ZSCAN20: variants seen among roughly 807,000 people sequenced by gnomAD.
ZSCAN20 encodes the protein zinc finger and SCAN domain-containing protein 20.
In ZSCAN20, 39 loss-of-function variants were observed where a neutral mutation model predicts 97.1. The observed-to-expected ratio is 0.40, with a 90% CI of 0.31 to 0.52. The LOEUF is 0.52. ZSCAN20 is among the 20% of genes least tolerant of loss of function. The pLI, the probability that ZSCAN20 is intolerant of heterozygous loss-of-function variation, is 0.49. For missense variants in ZSCAN20, 1,115 were observed against 1,290.4 expected (o/e 0.86, Z 2.08); for synonymous variants, 456 against 467.3 (o/e 0.98, Z 0.31).
rs147477606 is a variant in ZSCAN20, at chr1:33,500,546, G to A, written c.*5070G>A. On this transcript the variant is annotated 3_prime_UTR_variant, in exon 8 of 8. Transcript: ENST00000684572. ...AATTTTACCTAAACATGCTATAGTC[G>A]ACTAGGGAGTCACATAGACATTGAT... Among the ~76,000 whole-genome samples, 4 of 152,130 alleles carry A rather than the reference G, an allele frequency of 2.6e-5. No homozygotes were observed. The highest frequency in any genetic ancestry group is 1.9e-4 in the East Asian group (1 of 5,174).
intron 1 of ZSCAN20, 138 bp from the exon 2 acceptor site, chr1:33,479,041 T>G (rs1652036744): frequency 2.5e-6 from 1 of 399,966 alleles, no homozygotes; most frequent in Admixed American, 4.2e-5. Flanking sequence ...ATTGTGGCCT[T>G]ACTTCCTGCC....
At chr1:33,474,949 T>G (rs1321538206) in intron 1 of ZSCAN20, among the ~76,000 whole-genome samples, 3 of 152,164 alleles carry the variant, frequency 2.0e-5, no homozygotes, top group African/African-American at 7.2e-5. Flanking sequence ...TTGGGGAACC[T>G]AGGGCAACTG....
chr1:33,476,403 C>CT (rs1651941110), intron 1 of ZSCAN20, among the ~76,000 whole-genome samples: 1 of 152,210 alleles, frequency 6.6e-6, no homozygotes, highest in South Asian at 2.1e-4. Flanking sequence ...ACCTTTGGGA[C>CT]TTTCAAGTCT....
intron 1 of ZSCAN20, among the ~76,000 whole-genome samples, chr1:33,476,470 C>T (rs1252283376): frequency 2.0e-5 from 3 of 152,212 alleles, no homozygotes; most frequent in Non-Finnish European, 4.4e-5. Context: ...GGTGTGACTG[C>T]TAATTGCCTA....
At position 33,493,403 on chromosome 1, in the gene ZSCAN20, AC is replaced by A; in HGVS notation, c.1664del (p.Pro555HisfsTer14). The A allele has an allele frequency of 6.2e-7, 1 of 1,614,204 alleles. No homozygotes were observed. Among genetic ancestry groups the A allele is most frequent in the Non-Finnish European group, 8.5e-7 (1 of 1,180,032 alleles). The part of the protein sequence containing the change: ...LRSYRKAKSS[H>X]PPGTCPFYEE... Reference sequence around the variant, plus strand: ...AGCTACCGGAAAGCCAAGAGCAGCCACCCACCAGGGACATGCCCTTTCTATG... The same window carrying A: ...AGCTACCGGAAAGCCAAGAGCAGCCACCACCAGGGACATGCCCTTTCTATG... On this transcript the variant is annotated frameshift_variant, in exon 7 of 8. Coordinates refer to ENST00000684572, the MANE Select transcript of ZSCAN20 (RefSeq NM_001377376.1). LOFTEE classifies it high-confidence loss of function. The surrounding 1 kb of genome is among the most constrained non-coding windows in gnomAD (Gnocchi z 4.3).
chr1:33,484,104 T>G (rs1243497093), intron 2 of ZSCAN20, among the ~76,000 whole-genome samples: 2 of 152,230 alleles, frequency 1.3e-5, no homozygotes, highest in Non-Finnish European at 2.9e-5. Flanking sequence ...GTTTTTTTTG[T>G]TGATTCTTTT....
Position 33,500,103 on chromosome 1 carries a change from C to T in ZSCAN20, c.*4627C>T, listed in dbSNP as rs1653014001. Among the ~76,000 whole-genome samples the T allele has an allele frequency of 6.6e-6, 1 of 152,144 alleles. No homozygotes were observed. Among genetic ancestry groups the T allele is most frequent in the Non-Finnish European group, 1.5e-5 (1 of 68,030 alleles). ...CAGCTCCTGGCTGTTTCTTCACACT[C>T]CCAGCATCACTATTACTGCTAGCAT... On this transcript the variant is annotated 3_prime_UTR_variant, in exon 8 of 8. Transcript: ENST00000684572.
chr1:33,480,450 CT>C (rs1471901302), intron 2 of ZSCAN20, among the ~76,000 whole-genome samples: 1 of 152,224 alleles, frequency 6.6e-6, no homozygotes. Flanking sequence ...GGTCATTGTT[CT>C]TTCTACTGCA....
rs185588276 is a variant in ZSCAN20, at chr1:33,497,306, G to T, written c.*1830G>T. Among the ~76,000 whole-genome samples, 1 of 152,202 alleles carries T rather than the reference G, an allele frequency of 6.6e-6. No homozygotes were observed. Among genetic ancestry groups the T allele is most frequent in the Non-Finnish European group, 1.5e-5 (1 of 68,038 alleles). On this transcript the variant is annotated 3_prime_UTR_variant, in exon 8 of 8. Transcript: ENST00000684572. ...CCCACGTTATCTCTGCGGGGCAGGG[G>T]TCATGGGATGAACCCTGGATAGAAG... is the stretch of plus-strand genomic sequence containing the variant.
chr1:33,494,111 A>G, intron 7 of ZSCAN20, 107 bp from the exon 8 acceptor site: 1 of 1,060,038 alleles, frequency 9.4e-7, no homozygotes, highest in East Asian at 2.5e-5. Flanking sequence ...TATAAGAATC[A>G]AATTCATGTT....
In ZSCAN20 at chr1:33,485,543, G is replaced by A. The variant is rs562955222; in HGVS notation, c.418-2922G>A. Among the ~76,000 whole-genome samples the A allele has an allele frequency of 7.2e-4, 110 of 151,966 alleles. 3 individuals carry two copies. Among genetic ancestry groups the A allele is most frequent in the African/African-American group, 2.5e-3 (105 of 41,404 alleles). ...TCCTGCCTCAGCCCCCTGTAGCTGG[G>A]ACTACAGGACCACACCACCATGCCC... On this transcript the variant is annotated intron_variant, in intron 2 of 7. Transcript: ENST00000684572.
Position 33,493,112 on chromosome 1 carries a change from C to A in ZSCAN20, c.1445-75C>A. 1 of 1,428,622 alleles carries A rather than the reference C, an allele frequency of 7.0e-7. No individual in the cohort carries two copies. The highest frequency in any genetic ancestry group is 9.7e-7 in the Non-Finnish European group (1 of 1,035,674). 88.5% of individuals were successfully genotyped at this position (1,428,622 alleles called of 1,614,324 possible). Reference sequence around the variant, plus strand: ...CCTATGTTCTAGGTATTTTGAAGGGCAGGTGACTTTATTCTCTGATGACCT... The same window carrying A: ...CCTATGTTCTAGGTATTTTGAAGGGAAGGTGACTTTATTCTCTGATGACCT... On this transcript the variant is annotated intron_variant, in intron 6 of 7. Transcript: ENST00000684572. The surrounding 1 kb of genome is among the most constrained non-coding windows in gnomAD (Gnocchi z 4.3).
Position 33,491,125 on chromosome 1 carries a change from T to A in ZSCAN20, c.867T>A (p.Asp289Glu), listed in dbSNP as rs1185668614. The A allele has an allele frequency of 6.2e-7, 1 of 1,613,528 alleles. No individual in the cohort carries two copies. The highest frequency in any genetic ancestry group is 1.3e-5 in the African/African-American group (1 of 74,722). The change falls in exon 6 of 8, where the codon GAT (aspartate) becomes GAA (glutamate). Residue 289 changes from aspartate to glutamate, a missense_variant. Around this residue, in one of 3 missense-constraint regions of ZSCAN20, gnomAD observed 508 missense variants for 611.2 expected, o/e 0.83. Transcript: ENST00000684572. This position sits in a 1 kb window ranked among gnomAD's most constrained non-coding sequence, Gnocchi z 4.3. Reference protein sequence around the residue: ...LINSGKRSTADYSLDNEPAQA... With the variant: ...LINSGKRSTAEYSLDNEPAQA... Reference sequence around the variant, plus strand: ...ATTCTGGGAAAAGGAGCACTGCAGATTACAGCCTGGATAATGAGCCAGCTC... The same window carrying A: ...ATTCTGGGAAAAGGAGCACTGCAGAATACAGCCTGGATAATGAGCCAGCTC...
Position 33,500,989 on chromosome 1 carries a change from G to A in ZSCAN20, c.*5513G>A, listed in dbSNP as rs568803906. 2.0e-5 allele frequency among the ~76,000 whole-genome samples: 3 copies of A among 152,230 alleles called. No individual in the cohort carries two copies. Among genetic ancestry groups the A allele is most frequent in the Admixed American group, 6.5e-5 (1 of 15,292 alleles). Reference sequence around the variant, plus strand: ...TGGCTTCAGTGCTTTGGGGGGATTCGTGGACCACAGAGAAGCTTCCGCATA... The same window carrying A: ...TGGCTTCAGTGCTTTGGGGGGATTCATGGACCACAGAGAAGCTTCCGCATA... On this transcript the variant is annotated 3_prime_UTR_variant, in exon 8 of 8. Coordinates refer to ENST00000684572, the MANE Select transcript of ZSCAN20 (RefSeq NM_001377376.1).
intron 5 of ZSCAN20, among the ~76,000 whole-genome samples, chr1:33,490,304 T>C (rs539470045): frequency 6.4e-4 from 97 of 152,358 alleles, no homozygotes; most frequent in Non-Finnish European, 1.1e-3. Context: ...ATTATCCTTA[T>C]ACCTCTTTAA....
chr1:33,482,085 T>C (rs1271663518), intron 2 of ZSCAN20, among the ~76,000 whole-genome samples: 1 of 152,192 alleles, frequency 6.6e-6, no homozygotes, highest in Non-Finnish European at 1.5e-5. Context: ...CTCTTAATGT[T>C]ATTCATTCTG....
At chr1:33,489,676 G>C in intron 5 of ZSCAN20, 74 bp downstream of exon 5, 4 of 1,381,110 alleles carry the variant, frequency 2.9e-6, no homozygotes, top group Non-Finnish European at 4.1e-6. Flanking sequence ...GGGTTTTGCC[G>C]CTCCTTTAAG....
Position 33,491,777 on chromosome 1 carries a change from G to C in ZSCAN20, c.1444+75G>C. 6.9e-7 allele frequency: 1 copy of C among 1,450,196 alleles called. No individual in the cohort carries two copies. The highest frequency in any genetic ancestry group is 9.3e-7 in the Non-Finnish European group (1 of 1,080,522). The allele number at this position is 1,450,196 out of a possible 1,614,324, so 89.8% of individuals were successfully genotyped here. ...GCTAGACTGCTATTCCCTGAGGTCA[G>C]GGCACAGGCTGCAAGTCTGGATTGA... is the stretch of plus-strand genomic sequence containing the variant. On this transcript the variant is annotated intron_variant, in intron 6 of 7. Transcript: ENST00000684572. The surrounding 1 kb of genome is among the most constrained non-coding windows in gnomAD (Gnocchi z 4.3).
At chr1:33,481,091 A>G (rs1652138641) in intron 2 of ZSCAN20, among the ~76,000 whole-genome samples, 1 of 152,166 alleles carries the variant, frequency 6.6e-6, no homozygotes, top group Non-Finnish European at 1.5e-5. Flanking sequence ...TGCTCTTTGG[A>G]TTCCTTTACA....
Sources: allele counts gnomAD v4.1 joint callset (sites outside exome capture counted in the v4.1 genomes callset), GRCh38; gene constraint gnomAD v4.1.1; regional missense constraint gnomAD v4.1.1; non-coding constraint Gnocchi (gnomAD v3.1); transcripts MANE v1.5; gene names NCBI Gene and HGNC (gene_info 2026-07-23, HGNC 2026-07-21).